Variants in CPT1A observed in about 807,000 individuals in gnomAD.
The protein encoded by CPT1A is carnitine O-palmitoyltransferase 1, liver isoform.
In CPT1A, 64 loss-of-function variants were observed where a neutral mutation model predicts 100.8. That is an observed-to-expected ratio of 0.63 (90% CI 0.52 to 0.78). The LOEUF (loss-of-function observed/expected upper bound fraction) is 0.78, where lower values mean the gene tolerates loss of function less well. Ranked by LOEUF, CPT1A falls within the 30% of genes least tolerant of loss-of-function variation. The pLI is 0.00. For missense variants in CPT1A, 802 were observed against 1,034.1 expected (o/e 0.78, Z 3.08); for synonymous variants, 363 against 396.0 (o/e 0.92, Z 0.99).
chr11:68,785,940 A>G (rs1594338534), intron 9 of CPT1A: 1 of 692,230 alleles, frequency 1.4e-6, no homozygotes, highest in South Asian at 1.5e-5. Context: ...CATCACAGAA[A>G]TGTGATGAAG....
At chr11:68,817,351 A>G (rs72943271) in intron 1 of CPT1A, among the ~76,000 whole-genome samples, 15,416 of 152,178 alleles carry the variant, frequency 0.1, 798 homozygotes, top group Non-Finnish European at 0.11. Context: ...ATCCGCTGGC[A>G]GGCCCTAGAA....
At chr11:68,826,144 C>G (rs983117828) in intron 1 of CPT1A, among the ~76,000 whole-genome samples, 1 of 152,200 alleles carries the variant, frequency 6.6e-6, no homozygotes, top group Non-Finnish European at 1.5e-5. Context: ...GATGTACCCC[C>G]GCACTGAAAG....
intron 2 of CPT1A, among the ~76,000 whole-genome samples, chr11:68,812,925 C>G (rs1856258428): frequency 1.3e-5 from 2 of 152,024 alleles, no homozygotes; most frequent in Non-Finnish European, 2.9e-5. Flanking sequence ...CTGCTACTGT[C>G]TAGAATGCCC....
At chr11:68,773,182 C>T in intron 14 of CPT1A, 83 bp downstream of exon 14, 1 of 1,598,124 alleles carries the variant, frequency 6.3e-7, no homozygotes, top group Non-Finnish European at 8.5e-7. Context: ...TCGGGCCTTC[C>T]CTCCCCACTG....
At chr11:68,818,814 C>T (rs1022673482) in intron 1 of CPT1A, 6 of 152,326 alleles carry the variant, frequency 3.9e-5, no homozygotes, top group Non-Finnish European at 1.5e-5. Flanking sequence ...GCCATGATCA[C>T]GCCATTATAC....
Position 68,793,409 on chromosome 11 carries a change from C to A in CPT1A, c.880-7G>T, listed in dbSNP as rs1461820702. 6.2e-7 allele frequency: 1 copy of A among 1,605,210 alleles called. No homozygotes were observed. The highest frequency in any genetic ancestry group is 2.2e-5 in the East Asian group (1 of 44,678). ...TGGATCCCAAAAGACGAATCTGTAA[C>A]AAAAATATATTTCAAACCAACAACG... is the stretch of plus-strand genomic sequence containing the variant. On this transcript the variant is annotated splice_region_variant and splice_polypyrimidine_tract_variant and intron_variant, in intron 8 of 18. Transcript: ENST00000265641.
chr11:68,841,965 G>T, upstream of CPT1A: 1 of 985,248 alleles, frequency 1.0e-6, no homozygotes, highest in African/African-American at 1.7e-5. This position sits in a 1 kb window ranked among gnomAD's most constrained non-coding sequence, Gnocchi z 6.3. Flanking sequence ...GACTCCCGGC[G>T]CGCGGAGGGC....
intron 12 of CPT1A, among the ~76,000 whole-genome samples, chr11:68,776,017 C>A (rs1464819694): frequency 6.6e-6 from 1 of 152,196 alleles, no homozygotes; most frequent in Non-Finnish European, 1.5e-5. Context: ...TGTGGTCAAT[C>A]CATACAATGA....
At chr11:68,781,535 G>A (rs978884591) in intron 11 of CPT1A, among the ~76,000 whole-genome samples, 13 of 152,106 alleles carry the variant, frequency 8.5e-5, no homozygotes, top group South Asian at 2.1e-4. Flanking sequence ...GAGGAGAATC[G>A]CTTGAACCTG....
rs990477429 is a variant in CPT1A, at chr11:68,787,944, A to G, written c.968-2934T>C. On this transcript the variant is annotated intron_variant, in intron 9 of 18. Transcript: ENST00000265641. ...GGTGACAGAATGAGACTCAGTCTCA[A>G]AAAAAAAAAAAAAAAAAAGGGAGAC... 3.4e-5 allele frequency among the ~76,000 whole-genome samples: 5 copies of G among 145,312 alleles called. No homozygotes were observed. The East Asian group carries it at 9.9e-4, about 29-fold the overall frequency.
chr11:68,800,785 C>T (rs1855886093), intron 5 of CPT1A, among the ~76,000 whole-genome samples: 2 of 152,124 alleles, frequency 1.3e-5, no homozygotes, highest in Admixed American at 1.3e-4. Flanking sequence ...ATAGTCCCTC[C>T]CTGTACATTG....
rs998071727 is a variant in CPT1A, at chr11:68,757,269, T to C, written c.*375A>G. The C allele has an allele frequency of 3.1e-5, 35 of 1,132,432 alleles. No homozygotes were observed. The highest frequency in any genetic ancestry group is 3.8e-5 in the Non-Finnish European group (35 of 915,942). 70.1% of individuals were successfully genotyped at this position (1,132,432 alleles called of 1,614,324 possible). A position where few individuals can be genotyped will look rare whatever the true frequency, so the allele number is the denominator to read the frequency against. On this transcript the variant is annotated 3_prime_UTR_variant, in exon 19 of 19. Transcript: ENST00000265641. ...CTGCTTGGATGATGCTAAATGCCCT[T>C]AAGCACTAGGCCTTCGGTTGCCACT...
intron 3 of CPT1A, 83 bp downstream of exon 3, chr11:68,812,354 A>G: frequency 5.2e-6 from 8 of 1,542,752 alleles, no homozygotes; most frequent in Non-Finnish European, 7.2e-6. Flanking sequence ...GAACAGTGAC[A>G]ATCATCACAT....
At chr11:68,790,788 C>CT (rs1855593558) in intron 9 of CPT1A, among the ~76,000 whole-genome samples, 1 of 152,164 alleles carries the variant, frequency 6.6e-6, no homozygotes, top group Non-Finnish European at 1.5e-5. Flanking sequence ...TTTATCCCAG[C>CT]ATTTCCCTTG....
In CPT1A at chr11:68,781,830, G is replaced by A. The variant is rs753050377; in HGVS notation, c.1293C>T (p.Asp431=). 6.2e-7 allele frequency: 1 copy of A among 1,614,124 alleles called. No homozygotes were observed. The highest frequency in any genetic ancestry group is 1.1e-5 in the South Asian group (1 of 91,080). The change falls in exon 11 of 19, where the codon GAC becomes GAT. Residue 431 remains aspartate (D), a synonymous_variant. Coordinates refer to ENST00000265641, the MANE Select transcript of CPT1A (RefSeq NM_001876.4). ...DETEEGYRSE[D]PDTSMDSYAK... is the part of the protein sequence containing the mutation. ...CGTAGCTGTCCATTGACGTATCCGG[G>A]TCTTCACTTCTGTATCCTTCTTCAG...
intron 1 of CPT1A, among the ~76,000 whole-genome samples, chr11:68,828,409 C>A (rs553280782): frequency 6.6e-6 from 1 of 152,100 alleles, no homozygotes; most frequent in African/African-American, 2.4e-5. Context: ...CAGGGCCCCC[C>A]ACCTCCCACC....
chr11:68,807,933 C>A (rs1178449853), intron 3 of CPT1A, among the ~76,000 whole-genome samples: 1 of 152,242 alleles, frequency 6.6e-6, no homozygotes, highest in African/African-American at 2.4e-5. Flanking sequence ...GCTCGGGTGG[C>A]CTCGAAACCA....
intron 14 of CPT1A, among the ~76,000 whole-genome samples, chr11:68,770,062 A>AT: frequency 6.6e-6 from 1 of 151,232 alleles, no homozygotes; most frequent in Admixed American, 6.6e-5. Context: ...TCCGTCTCAA[A>AT]AAAAAAAAAA....
intron 9 of CPT1A, among the ~76,000 whole-genome samples, chr11:68,792,503 G>C (rs1009253747): frequency 1.3e-5 from 2 of 152,228 alleles, no homozygotes; most frequent in African/African-American, 4.8e-5. Context: ...TGGGGAAATG[G>C]AGGCCATGGA....
Sources: gnomAD v4.1 joint callset for allele counts (sites outside exome capture counted in the v4.1 genomes callset) on GRCh38, gnomAD v4.1.1 for gene constraint, Gnocchi (gnomAD v3.1) non-coding constraint, MANE v1.5 for transcripts, NCBI Gene and HGNC (gene_info 2026-07-23, HGNC 2026-07-21) for gene names.